SLC35D4: variants seen among roughly 807,000 people sequenced by gnomAD.
SLC35D4 encodes the protein UDP-N-acetylglucosamine transporter SLC35D4.
At chr18:23,297,953 T>C in the SLC35D4 span, 3 of 1,590,538 alleles carry the variant, frequency 1.9e-6, no homozygotes, top group Non-Finnish European at 1.7e-6. Context: ...CGTACACAGG[T>C]GTACAAGCTG....
the SLC35D4 span, chr18:23,257,051 C>T: frequency 3.0e-6 from 2 of 657,184 alleles, no homozygotes; most frequent in Non-Finnish European, 5.1e-6. Context: ...TCCTTCACAA[C>T]CAGGACCGAA....
chr18:23,387,688 A>G, the SLC35D4 span, among the ~76,000 whole-genome samples: 1 of 152,130 alleles, frequency 6.6e-6, no homozygotes, highest in Non-Finnish European at 1.5e-5. Flanking sequence ...TCTAACTCGC[A>G]CTGTTTCATT....
At chr18:23,326,957 A>G in the SLC35D4 span, among the ~76,000 whole-genome samples, 1 of 152,372 alleles carries the variant, frequency 6.6e-6, no homozygotes, top group East Asian at 1.9e-4. Context: ...TACTGGGTAA[A>G]TAATGAAATG....
chr18:23,298,158 C>T, the SLC35D4 span: 8 of 1,463,686 alleles, frequency 5.5e-6, no homozygotes, highest in Admixed American at 1.7e-5. Flanking sequence ...GGTGCTTCCC[C>T]TCATCCTGCA....
the SLC35D4 span, among the ~76,000 whole-genome samples, chr18:23,421,693 T>TTC: frequency 6.6e-6 from 1 of 150,862 alleles, no homozygotes; most frequent in African/African-American, 2.4e-5. Context: ...TTTTTTTTTT[T>TTC]TGAGACGGAG....
the SLC35D4 span, among the ~76,000 whole-genome samples, chr18:23,300,129 C>T: frequency 6.6e-6 from 1 of 152,240 alleles, no homozygotes; most frequent in South Asian, 2.1e-4. Flanking sequence ...AGCTCAGGAC[C>T]CCAGATGCTG....
At chr18:23,381,059 A>G in the SLC35D4 span, among the ~76,000 whole-genome samples, 1 of 152,222 alleles carries the variant, frequency 6.6e-6, no homozygotes, top group East Asian at 1.9e-4. Flanking sequence ...CAAGGCTCCT[A>G]GCTGTATCAT....
the SLC35D4 span, among the ~76,000 whole-genome samples, chr18:23,319,578 C>T: frequency 6.6e-6 from 1 of 152,202 alleles, no homozygotes. Flanking sequence ...GCTGGGATTA[C>T]AGGCGTGCGC....
At chr18:23,273,328 G>T in the SLC35D4 span, among the ~76,000 whole-genome samples, 2 of 152,184 alleles carry the variant, frequency 1.3e-5, no homozygotes, top group East Asian at 3.8e-4. Flanking sequence ...AAGGAGAAGC[G>T]TAAATGTGGG....
the SLC35D4 span, among the ~76,000 whole-genome samples, chr18:23,265,410 T>C: frequency 1.3e-5 from 2 of 152,082 alleles, no homozygotes; most frequent in African/African-American, 2.4e-5. Flanking sequence ...ATACACCCAG[T>C]TGGCAGAGTA....
the SLC35D4 span, among the ~76,000 whole-genome samples, chr18:23,389,151 G>C: frequency 6.6e-6 from 1 of 152,008 alleles, no homozygotes; most frequent in Non-Finnish European, 1.5e-5. Flanking sequence ...ATGAAGCCCA[G>C]CTGATTTTTG....
At chr18:23,349,984 C>G in the SLC35D4 span, among the ~76,000 whole-genome samples, 2 of 152,214 alleles carry the variant, frequency 1.3e-5, no homozygotes, top group South Asian at 4.1e-4. Flanking sequence ...AATCCTACTT[C>G]TGAGGACAGA....
the SLC35D4 span, among the ~76,000 whole-genome samples, chr18:23,317,650 G>A: frequency 6.6e-6 from 1 of 152,120 alleles, no homozygotes; most frequent in Non-Finnish European, 1.5e-5. Flanking sequence ...AGTGTCACTT[G>A]TGTCCCCATA....
chr18:23,348,590 T>A, the SLC35D4 span, among the ~76,000 whole-genome samples: 4 of 152,332 alleles, frequency 2.6e-5, no homozygotes, highest in Admixed American at 6.5e-5. Context: ...AATGTCCCTA[T>A]TTTTTCTCTA....
At chr18:23,332,353 T>G in the SLC35D4 span, among the ~76,000 whole-genome samples, 1 of 152,226 alleles carries the variant, frequency 6.6e-6, no homozygotes, top group Admixed American at 6.5e-5. Context: ...TGAACATAAC[T>G]TGTGAACATA....
chr18:23,406,998 C>T, the SLC35D4 span, among the ~76,000 whole-genome samples: 14 of 152,134 alleles, frequency 9.2e-5, no homozygotes, highest in African/African-American at 2.2e-4. Flanking sequence ...TTTGTAGAGA[C>T]GGTGTCTCCC....
At chr18:23,350,027 TA>T in the SLC35D4 span, among the ~76,000 whole-genome samples, 1 of 152,220 alleles carries the variant, frequency 6.6e-6, no homozygotes, top group Non-Finnish European at 1.5e-5. Flanking sequence ...ACCACTTTTT[TA>T]CTACACACAG....
chr18:23,251,240 G>A, the SLC35D4 span, among the ~76,000 whole-genome samples: 2 of 152,208 alleles, frequency 1.3e-5, no homozygotes, highest in Non-Finnish European at 2.9e-5. Context: ...ATCACCTGAA[G>A]TCAGGAGTTC....
At chr18:23,279,846 C>T in the SLC35D4 span, among the ~76,000 whole-genome samples, 1 of 152,080 alleles carries the variant, frequency 6.6e-6, no homozygotes, top group Admixed American at 6.6e-5. Flanking sequence ...TACATATATA[C>T]ACACACATAC....
Sources: gnomAD v4.1 joint callset for allele counts (sites outside exome capture counted in the v4.1 genomes callset) on GRCh38, gnomAD v4.1.1 for gene constraint, MANE v1.5 for transcripts, NCBI Gene and HGNC (gene_info 2026-07-23, HGNC 2026-07-21) for gene names.